The following RPL9 variants were observed in gnomAD, a reference collection of about 807,000 sequenced individuals.
RPL9 encodes the protein large ribosomal subunit protein uL6.
For missense variants in RPL9, 149 were observed against 236.7 expected, an observed-to-expected ratio of 0.63 and a Z score of 2.43; for synonymous variants, 82 against 77.1, an observed-to-expected ratio of 1.06 and a Z score of -0.33.
At chr4:39,456,343 G>T in intron 5 of RPL9, 63 bp downstream of exon 5, 1 of 1,585,922 alleles carries the variant, frequency 6.3e-7, no homozygotes. Flanking sequence ...AGTTGGGAGT[G>T]GAAAAGGAGG....
In RPL9 at chr4:39,458,074, A is replaced by G. The variant is rs572702676; in HGVS notation, c.162+120T>C. 1.6e-5 allele frequency: 16 copies of G among 970,362 alleles called. No homozygotes were observed. The South Asian group carries it at 2.2e-4, about 13-fold the overall frequency. The allele number at this position is 970,362 out of a possible 1,614,324, so 60.1% of individuals were successfully genotyped here. ...CACTGAACAGGCTGGTATTCTGGAC[A>G]GCAACATTTAAAGCTGAAGCACTGA... On this transcript the variant is annotated intron_variant, in intron 3 of 7. Transcript: ENST00000295955.
chr4:39,458,119 T>TAA, intron 3 of RPL9, 75 bp downstream of exon 3: 8 of 1,446,672 alleles, frequency 5.5e-6, no homozygotes, highest in Non-Finnish European at 7.7e-6. Context: ...CGAAAATTGT[T>TAA]AAAGCAACCA....
intron 3 of RPL9, 138 bp downstream of exon 3, chr4:39,458,056 C>G (rs1183692272): frequency 3.5e-6 from 3 of 866,902 alleles, no homozygotes; most frequent in Non-Finnish European, 5.7e-6. Context: ...TTTCACTGAA[C>G]AGGCTGGTAT....
chr4:39,455,057 T>G, intron 5 of RPL9, 113 bp from the exon 6 acceptor site: 3 of 1,135,200 alleles, frequency 2.6e-6, no homozygotes, highest in Non-Finnish European at 3.7e-6. Context: ...AACCTTTTCT[T>G]AAGATTTTGA....
intron 4 of RPL9, 25 bp downstream of exon 4, chr4:39,457,561 A>C: frequency 6.3e-7 from 1 of 1,585,110 alleles, no homozygotes; most frequent in East Asian, 2.2e-5. Context: ...TTTCCAAAAC[A>C]AGGAAGTCTG....
chr4:39,454,764 T>C (rs933221224), intron 6 of RPL9, 100 bp downstream of exon 6: 37 of 1,462,332 alleles, frequency 2.5e-5, no homozygotes, highest in Non-Finnish European at 3.3e-5. Flanking sequence ...ATTTTCACAA[T>C]TTAAAAAGCT....
rs975540223 is a variant in RPL9, at chr4:39,458,599, C to G, written c.-1-159G>C. 4.5e-5 allele frequency: 32 copies of G among 706,444 alleles called. No individual in the cohort carries two copies. In the East Asian group the frequency reaches 8.6e-4, roughly 19 times the overall value. The allele number at this position is 706,444 out of a possible 1,614,324, so 43.8% of individuals were successfully genotyped here. On this transcript the variant is annotated intron_variant, in intron 1 of 7. Transcript: ENST00000295955. ...ACAGCGGGCCCCAGTGTGTCCCAGCCTGGAAGGAGCAGCCCCAAAGCGAGA... is the reference window on the plus strand; with the variant it reads ...ACAGCGGGCCCCAGTGTGTCCCAGCGTGGAAGGAGCAGCCCCAAAGCGAGA...
chr4:39,454,801 G>GT (rs1744021743), intron 6 of RPL9, 63 bp downstream of exon 6: 1 of 1,546,848 alleles, frequency 6.5e-7, no homozygotes, highest in East Asian at 2.3e-5. Context: ...GCAAAATACT[G>GT]TATTTTAAAC....
At chr4:39,458,571 C>T (rs575206520) in intron 1 of RPL9, 131 bp from the exon 2 acceptor site, 1 of 936,946 alleles carries the variant, frequency 1.1e-6, no homozygotes, top group Admixed American at 2.3e-5. Context: ...GGACGGGAGA[C>T]CGACAGCGGG....
Position 39,454,900 on chromosome 4 carries a change from G to A in RPL9, c.436C>T (p.Leu146Phe), listed in dbSNP as rs758095347. ...ACAAGCTCAATGTCATTTCCTTCAA[G>A]GATTAATTCATCTTTCTGGGCTTGA... Reference protein sequence around the residue: ...VSQAQKDELILEGNDIELVSN... With the variant: ...VSQAQKDELIFEGNDIELVSN... The change falls in exon 6 of 8, where the codon CTT (leucine) becomes TTT (phenylalanine). Residue 146 changes from leucine (L) to phenylalanine (F), a missense_variant. Leu to Phe is a conservative substitution (Grantham distance 22). Transcript: ENST00000295955. 1 of 1,613,936 alleles carries A rather than the reference G, an allele frequency of 6.2e-7. No homozygotes were observed. Among genetic ancestry groups the A allele is most frequent in the Admixed American group, 1.7e-5 (1 of 59,994 alleles).
chr4:39,457,874 T>C (rs1744174906), intron 3 of RPL9, 193 bp from the exon 4 acceptor site: 2 of 630,572 alleles, frequency 3.2e-6, no homozygotes, highest in Non-Finnish European at 5.6e-6. Context: ...ACTTCCCTTC[T>C]GGAAAATTAA....
chr4:39,458,457 G>A lies in RPL9; in HGVS notation c.-1-17C>T. On this transcript the variant is annotated splice_polypyrimidine_tract_variant and intron_variant, in intron 1 of 7. Transcript: ENST00000295955. ...GTCTTCATTCTGAAACACAAACACT[G>A]GGGGTGAGGCCGACGCAAGGCCCGT... 1 of 1,613,882 alleles carries A rather than the reference G, an allele frequency of 6.2e-7. No homozygotes were observed. Among genetic ancestry groups the A allele is most frequent in the Non-Finnish European group, 8.5e-7 (1 of 1,179,770 alleles).
At chr4:39,454,828 C>T (rs1353188696) in intron 6 of RPL9, 36 bp downstream of exon 6, 3 of 1,595,722 alleles carry the variant, frequency 1.9e-6, no homozygotes, top group Non-Finnish European at 2.6e-6. Context: ...TAGACAAAAT[C>T]TTGTAGGCAT....
chr4:39,456,763 A>T (rs961519547), intron 4 of RPL9: 9 of 503,752 alleles, frequency 1.8e-5, no homozygotes, highest in Admixed American at 6.9e-5. Flanking sequence ...GCCCTCAATG[A>T]ACAATGCTGC....
chr4:39,454,748 CT>C, intron 6 of RPL9, 99 bp from the exon 7 acceptor site: 2 of 1,451,874 alleles, frequency 1.4e-6, no homozygotes, highest in Non-Finnish European at 1.9e-6. Flanking sequence ...AGAATGTGAC[CT>C]TTTTATTTTC....
Position 39,454,957 on chromosome 4 carries a change from AG to A in RPL9, c.392-14del, listed in dbSNP as rs1175700667. 1.2e-6 allele frequency: 2 copies of A among 1,609,172 alleles called. No individual in the cohort carries two copies. On this transcript the variant is annotated splice_polypyrimidine_tract_variant and intron_variant, in intron 5 of 7. Coordinates refer to ENST00000295955, the MANE Select transcript of RPL9 (RefSeq NM_000661.5). ...GAACAAGCAACACCTAAAAGGGGAG[AG>A]GGCATTTGCACAGCATCAAATCTGT...
At position 39,458,231 on chromosome 4, in the gene RPL9, T is replaced by C. The variant is rs762487309; in HGVS notation, c.125A>G (p.Asn42Ser). 4 of 1,613,972 alleles carry C rather than the reference T, an allele frequency of 2.5e-6. No individual in the cohort carries two copies. Among genetic ancestry groups the C allele is most frequent in the East Asian group, 2.2e-5 (1 of 44,890 alleles). Residue 42 changes from asparagine to serine, a missense_variant, in exon 3 of 8, where the codon AAT (asparagine) becomes AGT (serine). Transcript: ENST00000295955. ...CTTTCCAAGAAGGCTGAGTTCTACA[T>C]TGATGTGATTGAAGTCCCTCCGCAG... ...GTLRRDFNHI[N>S]VELSLLGKKK...
chr4:39,455,719 G>A (rs1744059809), intron 5 of RPL9: 1 of 153,684 alleles, frequency 6.5e-6, no homozygotes, highest in African/African-American at 2.4e-5. Flanking sequence ...GCAATGAGCT[G>A]AGATCACGCC....
At chr4:39,455,100 A>C in intron 5 of RPL9, 156 bp from the exon 6 acceptor site, 12 of 694,812 alleles carry the variant, frequency 1.7e-5, no homozygotes, top group Non-Finnish European at 2.4e-5. Flanking sequence ...CTGTAATCTC[A>C]GCACTTTGGG....
Sources: allele counts gnomAD v4.1 joint callset, GRCh38; gene constraint gnomAD v4.1.1; transcripts MANE v1.5; gene names NCBI Gene and HGNC (gene_info 2026-07-23, HGNC 2026-07-21).